Variants in KIR2DL3 observed in about 807,000 individuals in gnomAD.
KIR2DL3 encodes killer cell immunoglobulin like receptor, two Ig domains and long cytoplasmic tail 3.
A neutral mutation model predicts 33.8 loss-of-function variants in KIR2DL3; 39 were observed. The ratio of observed to expected loss-of-function variants is 1.15; its 90% CI spans 0.89 to 1.51. The LOEUF is 1.51. Ranked by LOEUF, KIR2DL3 falls within the 40% of genes most tolerant of loss-of-function variation. The pLI, the probability that KIR2DL3 is intolerant of heterozygous loss-of-function variation, is 0.00. For missense variants in KIR2DL3, 462 were observed against 426.2 expected (o/e 1.08, Z -0.74); for synonymous variants, 174 against 160.2 (o/e 1.09, Z -0.65).
intron 4 of KIR2DL3, 120 bp downstream of exon 4, chr19:54,744,208 A>T (rs1366385182): frequency 6.7e-7 from 1 of 1,485,038 alleles, no homozygotes; most frequent in African/African-American, 1.4e-5. Context: ...CTTGGGTGTG[A>T]GGGAGGGATC....
At chr19:54,747,170 A>G (rs1319721518) in intron 4 of KIR2DL3, among the ~76,000 whole-genome samples, 165 bp from the exon 5 acceptor site, 1 of 147,384 alleles carries the variant, frequency 6.8e-6, no homozygotes, top group Admixed American at 7.0e-5. Flanking sequence ...TGAAGTCTCA[A>G]GACAGTGGGC....
intron 5 of KIR2DL3, among the ~76,000 whole-genome samples, chr19:54,748,185 T>C (rs1360707308): frequency 1.5e-4 from 23 of 151,426 alleles, no homozygotes; most frequent in Non-Finnish European, 3.1e-4. Context: ...ACATCTCACA[T>C]GGCATCACTC....
chr19:54,748,163 C>G, intron 5 of KIR2DL3, among the ~76,000 whole-genome samples: 1 of 150,780 alleles, frequency 6.6e-6, no homozygotes, highest in Non-Finnish European at 1.5e-5. Flanking sequence ...TCAAAGCCCA[C>G]AAAGACTGGT....
intron 6 of KIR2DL3, among the ~76,000 whole-genome samples, chr19:54,751,991 G>A (rs1337681965): frequency 7.4e-6 from 1 of 134,896 alleles, no homozygotes; most frequent in Admixed American, 7.7e-5. Context: ...CCAGGAGAAG[G>A]TTCCATGACA....
intron 2 of KIR2DL3, among the ~76,000 whole-genome samples, chr19:54,740,770 G>T (rs141012791): frequency 0.06 from 9,073 of 151,894 alleles, 321 homozygotes; most frequent in African/African-American, 0.11. Flanking sequence ...ATGTTATAGG[G>T]GAAGGGACTG....
chr19:54,740,948 G>T (rs1380862275), intron 2 of KIR2DL3, among the ~76,000 whole-genome samples: 3 of 151,506 alleles, frequency 2.0e-5, no homozygotes, highest in Non-Finnish European at 4.4e-5. Flanking sequence ...ATCCATGAAT[G>T]CAGGTGGCCT....
chr19:54,747,154 A>T (rs1416744599), intron 4 of KIR2DL3, among the ~76,000 whole-genome samples, 181 bp from the exon 5 acceptor site: 1 of 146,886 alleles, frequency 6.8e-6, no homozygotes, highest in Admixed American at 7.0e-5. Flanking sequence ...TTTTCTCTTT[A>T]TACCTTGAAG....
intron 5 of KIR2DL3, among the ~76,000 whole-genome samples, chr19:54,749,081 A>C (rs2073028256): frequency 6.6e-6 from 1 of 152,114 alleles, no homozygotes; most frequent in African/African-American, 2.4e-5. Flanking sequence ...GTCAGCCGTG[A>C]AGGCACAAAG....
Position 54,744,075 on chromosome 19 carries a change from T to G in KIR2DL3, c.651T>G (p.Leu217=). ...GGTCAAACTCGAGTGACCCACTGCTTGTTTCTGTCACAGGTGAGGAAACCC... is the reference window on the plus strand; with the variant it reads ...GGTCAAACTCGAGTGACCCACTGCTGGTTTCTGTCACAGGTGAGGAAACCC... The part of the protein sequence containing the change: ...YEWSNSSDPL[L]VSVTGNPSNS... Residue 217 remains leucine, a synonymous_variant, in exon 4 of 8, where the codon CTT becomes CTG. Coordinates refer to ENST00000342376, the MANE Select transcript of KIR2DL3 (RefSeq NM_015868.3). 1 of 1,614,226 alleles carries G rather than the reference T, an allele frequency of 6.2e-7. No homozygotes were observed. Among genetic ancestry groups the G allele is most frequent in the Non-Finnish European group, 8.5e-7 (1 of 1,180,036 alleles).
intron 5 of KIR2DL3, 76 bp downstream of exon 5, chr19:54,747,461 G>T (rs565316316): frequency 2.0e-6 from 3 of 1,513,068 alleles, no homozygotes; most frequent in African/African-American, 1.4e-5. Context: ...CATTGACTCA[G>T]CATCTCGCAG....
Position 54,748,064 on chromosome 19 carries a change from C to T in KIR2DL3, c.715+679C>T, listed in dbSNP as rs544640760. Among the ~76,000 whole-genome samples, 681 of 142,624 alleles carry T rather than the reference C, an allele frequency of 4.8e-3. 1 individual carries two copies. Among genetic ancestry groups the T allele is most frequent in the African/African-American group, 0.017 (650 of 39,274 alleles). The allele number at this position is 142,624 out of a possible 152,430, so 93.6% of individuals were successfully genotyped here. A position where few individuals can be genotyped will look rare whatever the true frequency, so the allele number is the denominator to read the frequency against. On this transcript the variant is annotated intron_variant, in intron 5 of 7. Coordinates refer to ENST00000342376, the MANE Select transcript of KIR2DL3 (RefSeq NM_015868.3). ...AGGTGACAGCAAGGCTGCCTTCCCT[C>T]TGAGGATTCCAGGCAAGAATCTGCT... is the stretch of plus-strand genomic sequence containing the variant.
Position 54,742,154 on chromosome 19 carries a change from A to T in KIR2DL3, c.245A>T (p.Lys82Met). ...GGAGAGCACCATGATGGGGTCTCCA[A>T]GGCCAACTTCTCCATCGGTCCCATG... ...LIGEHHDGVS[K>M]ANFSIGPMMQ... The change falls in exon 3 of 8, where the codon AAG becomes ATG. Residue 82 changes from lysine to methionine, a missense_variant. By Grantham distance (95) the Lys-to-Met change is moderately conservative. Transcript: ENST00000342376. 1 of 1,614,106 alleles carries T rather than the reference A, an allele frequency of 6.2e-7. No individual in the cohort carries two copies. The highest frequency in any genetic ancestry group is 8.5e-7 in the Non-Finnish European group (1 of 1,180,018).
At chr19:54,746,918 G>T (rs2147125573) in intron 4 of KIR2DL3, among the ~76,000 whole-genome samples, 1 of 148,044 alleles carries the variant, frequency 6.8e-6, no homozygotes, top group East Asian at 1.9e-4. Context: ...GGAGGCTGTG[G>T]TGGCAGTGAA....
At chr19:54,740,674 G>C (rs1322698846) in intron 2 of KIR2DL3, among the ~76,000 whole-genome samples, 3 of 151,980 alleles carry the variant, frequency 2.0e-5, no homozygotes, top group African/African-American at 7.3e-5. Flanking sequence ...AAGGGGGATT[G>C]AATACAGGGA....
In KIR2DL3 at chr19:54,744,105, T is replaced by A; in HGVS notation, c.664+17T>A. The A allele has an allele frequency of 6.2e-7, 1 of 1,613,640 alleles. No homozygotes were observed. The highest frequency in any genetic ancestry group is 8.5e-7 in the Non-Finnish European group (1 of 1,179,804). ...CTGTCACAGGTGAGGAAACCCCATA[T>A]CTGTCTCATGTCCTATGATCCTAGA... On this transcript the variant is annotated intron_variant, in intron 4 of 7. Coordinates refer to ENST00000342376, the MANE Select transcript of KIR2DL3 (RefSeq NM_015868.3).
intron 5 of KIR2DL3, among the ~76,000 whole-genome samples, chr19:54,749,994 A>C (rs901847135): frequency 7.7e-6 from 1 of 129,324 alleles, no homozygotes; most frequent in African/African-American, 3.0e-5. Context: ...TTTCTCTATA[A>C]TTACTTCTTT....
chr19:54,752,195 G>T, intron 6 of KIR2DL3, 21 bp from the exon 7 acceptor site: 2 of 1,460,590 alleles, frequency 1.4e-6, no homozygotes, highest in South Asian at 1.3e-5. Context: ...GAGCTGTTTT[G>T]TTGACTTCCG....
At position 54,751,665 on chromosome 19, in the gene KIR2DL3, G is replaced by T. The variant is rs368269920; in HGVS notation, c.732G>T (p.Leu244=). 6 of 1,503,224 alleles carry T rather than the reference G, an allele frequency of 4.0e-6. No individual in the cohort carries two copies. Among genetic ancestry groups the T allele is most frequent in the East Asian group, 4.5e-5 (2 of 44,274 alleles). 93.1% of individuals were successfully genotyped at this position (1,503,224 alleles called of 1,614,324 possible). Residue 244 remains leucine, a synonymous_variant, in exon 6 of 8, where the codon CTG becomes CTT. Transcript: ENST00000342376. ...TTCTTCCAGGTAACCCCAGACACCT[G>T]CATGTTCTGATTGGGACCTCAGTGG... ...PSSETGNPRH[L]HVLIGTSVVI...
intron 2 of KIR2DL3, among the ~76,000 whole-genome samples, chr19:54,741,619 A>G (rs2071130502): frequency 6.6e-6 from 1 of 152,008 alleles, no homozygotes; most frequent in African/African-American, 2.4e-5. Flanking sequence ...ATTGCAATTC[A>G]TCCAAAAGAG....
Sources: allele counts gnomAD v4.1 joint callset (sites outside exome capture counted in the v4.1 genomes callset), GRCh38; gene constraint gnomAD v4.1.1; transcripts MANE v1.5; gene names NCBI Gene and HGNC (gene_info 2026-07-23, HGNC 2026-07-21).